Variants in SMIM10L3 observed in about 807,000 individuals in gnomAD.
SMIM10L3 encodes small integral membrane protein 10 like 3.
chr7:6,331,633 G>A, the SMIM10L3 span, among the ~76,000 whole-genome samples: 1 of 151,932 alleles, frequency 6.6e-6, no homozygotes, highest in Admixed American at 6.6e-5. Context: ...ACTCGCCTTG[G>A]CCTCCCAAAG....
At chr7:6,330,624 C>T in the SMIM10L3 span, 194 of 1,614,142 alleles carry the variant, frequency 1.2e-4, no homozygotes, top group African/African-American at 2.0e-3. Context: ...AGCCCAGACC[C>T]TTGGGAAAAG....
At chr7:6,329,633 G>A in the SMIM10L3 span, 2 of 161,946 alleles carry the variant, frequency 1.2e-5, no homozygotes, top group Admixed American at 6.6e-5. Flanking sequence ...GAGTCACCTT[G>A]AAAAATTTTA....
the SMIM10L3 span, chr7:6,330,063 T>A: frequency 6.1e-6 from 2 of 326,002 alleles, no homozygotes; most frequent in African/African-American, 4.4e-5. Context: ...CCCTTTAGAA[T>A]GGATGTTGAA....
chr7:6,341,122 C>G, the SMIM10L3 span, among the ~76,000 whole-genome samples: 5 of 141,542 alleles, frequency 3.5e-5, no homozygotes, highest in African/African-American at 1.1e-4. Context: ...CCAGCCTGGG[C>G]GACACAGCAA....
At chr7:6,332,820 C>T in the SMIM10L3 span, among the ~76,000 whole-genome samples, 1 of 152,234 alleles carries the variant, frequency 6.6e-6, no homozygotes, top group South Asian at 2.1e-4. Flanking sequence ...TCTTATGGAA[C>T]TAGGAGACTC....
chr7:6,338,379 AAC>A, the SMIM10L3 span, among the ~76,000 whole-genome samples: 27 of 152,158 alleles, frequency 1.8e-4, no homozygotes, highest in Non-Finnish European at 2.9e-5. Context: ...AAATTTAAAA[AAC>A]AGTGTAAATG....
the SMIM10L3 span, among the ~76,000 whole-genome samples, chr7:6,343,397 CATATATATATAT>C: frequency 0.022 from 1,925 of 86,896 alleles, 29 homozygotes; most frequent in African/African-American, 0.033. Flanking sequence ...ATAATAATTT[CATATATATATAT>C]ATATATATAT....
chr7:6,344,470 T>G, the SMIM10L3 span, among the ~76,000 whole-genome samples: 2 of 152,130 alleles, frequency 1.3e-5, no homozygotes, highest in African/African-American at 4.8e-5. Context: ...TTGCCCAGCC[T>G]GGAGTACAGT....
the SMIM10L3 span, chr7:6,341,841 T>C: frequency 6.6e-6 from 1 of 151,782 alleles, no homozygotes; most frequent in East Asian, 1.9e-4. Flanking sequence ...CTACTAAAAA[T>C]ACAAACATTA....
At chr7:6,348,249 G>A in the SMIM10L3 span, among the ~76,000 whole-genome samples, 4 of 147,584 alleles carry the variant, frequency 2.7e-5, no homozygotes, top group Non-Finnish European at 4.5e-5. Flanking sequence ...GGGTTGCAAA[G>A]TTTGGGAACT....
At chr7:6,347,776 C>T in the SMIM10L3 span, among the ~76,000 whole-genome samples, 2 of 151,778 alleles carry the variant, frequency 1.3e-5, no homozygotes, top group Non-Finnish European at 2.9e-5. Flanking sequence ...TCTATGCAGG[C>T]CAGATGTGGT....
chr7:6,333,660 G>A, the SMIM10L3 span, among the ~76,000 whole-genome samples: 2 of 146,090 alleles, frequency 1.4e-5, no homozygotes, highest in Non-Finnish European at 3.0e-5. Context: ...CACCACACCT[G>A]GCAAATTTTT....
the SMIM10L3 span, chr7:6,341,935 C>CT: frequency 1.3e-5 from 2 of 151,524 alleles, no homozygotes; most frequent in African/African-American, 4.8e-5. Context: ...GAAGTGGAGG[C>CT]TGCAGTGAGC....
At chr7:6,341,499 G>A in the SMIM10L3 span, among the ~76,000 whole-genome samples, 18 of 149,288 alleles carry the variant, frequency 1.2e-4, no homozygotes, top group South Asian at 3.6e-3. Context: ...CCTGGCTAAC[G>A]TGGTGAAACC....
the SMIM10L3 span, among the ~76,000 whole-genome samples, chr7:6,340,443 G>C: frequency 2.6e-5 from 4 of 152,288 alleles, no homozygotes; most frequent in African/African-American, 9.6e-5. Flanking sequence ...CACTTCAGTA[G>C]AAGGGCAGAG....
At chr7:6,333,692 A>C in the SMIM10L3 span, among the ~76,000 whole-genome samples, 35 of 151,358 alleles carry the variant, frequency 2.3e-4, no homozygotes, top group African/African-American at 7.3e-4. Flanking sequence ...GCAGGAACAG[A>C]AGTTTATTAC....
At chr7:6,344,363 C>A in the SMIM10L3 span, among the ~76,000 whole-genome samples, 1 of 152,304 alleles carries the variant, frequency 6.6e-6, no homozygotes, top group Middle Eastern at 3.4e-3. Context: ...CCACTCCCCA[C>A]CCCCATGATG....
chr7:6,343,608 G>C, the SMIM10L3 span, among the ~76,000 whole-genome samples: 1 of 151,554 alleles, frequency 6.6e-6, no homozygotes, highest in African/African-American at 2.4e-5. Context: ...TTGTATTTCA[G>C]ATTCTGTATA....
At chr7:6,346,568 A>G in the SMIM10L3 span, among the ~76,000 whole-genome samples, 1 of 152,112 alleles carries the variant, frequency 6.6e-6, no homozygotes, top group Non-Finnish European at 1.5e-5. Context: ...TTTAGTAGAG[A>G]CAGGGTTTCA....
Sources: gnomAD v4.1 joint callset for allele counts (sites outside exome capture counted in the v4.1 genomes callset) on GRCh38, gnomAD v4.1.1 for gene constraint, MANE v1.5 for transcripts, NCBI Gene and HGNC (gene_info 2026-07-23, HGNC 2026-07-21) for gene names.